The following PTPN22 variants were observed in gnomAD, a reference collection of about 807,000 sequenced individuals.
The protein encoded by PTPN22 is protein tyrosine phosphatase non-receptor type 22.
Under a neutral mutation model 103.3 loss-of-function variants are expected in PTPN22, and 85 were observed. The ratio of observed to expected loss-of-function variants is 0.82; its 90% CI spans 0.69 to 0.99. The LOEUF is 0.99. Ranked by LOEUF, PTPN22 falls within the 50% of genes least tolerant of loss-of-function variation. The pLI, the probability that PTPN22 is intolerant of heterozygous loss-of-function variation, is 0.00. For missense variants in PTPN22, 865 were observed against 936.9 expected, an observed-to-expected ratio of 0.92 and a Z score of 1.00; for synonymous variants, 323 against 310.2, an observed-to-expected ratio of 1.04 and a Z score of -0.43.
intron 1 of PTPN22, chr1:113,864,118 G>GACAAACAA (rs541666001): frequency 2.8e-6 from 1 of 363,054 alleles, no homozygotes; most frequent in Non-Finnish European, 5.4e-6. Flanking sequence ...TCTCAAAACA[G>GACAAACAA]ACAAACAAAC....
At chr1:113,828,423 A>G (rs1176760265) in intron 18 of PTPN22, among the ~76,000 whole-genome samples, 1 of 152,112 alleles carries the variant, frequency 6.6e-6, no homozygotes, top group African/African-American at 2.4e-5. Context: ...TTAGCCACTT[A>G]GAATTTATCC....
rs1014341603 is a variant in PTPN22 at position 113,855,120 on chromosome 1, C to T, written c.541-71G>A. ...AAAACCACCTATTGGGTATTATGCT[C>T]ACTACCTGGGTGATGGGATTATTCA... is the stretch of plus-strand genomic sequence containing the variant. On this transcript the variant is annotated intron_variant, in intron 7 of 20. Coordinates refer to ENST00000359785, the Ensembl canonical transcript of PTPN22. The T allele has an allele frequency of 7.3e-6, 10 of 1,360,888 alleles. No homozygotes were observed. In the African/African-American group the frequency reaches 1.4e-4, roughly 20 times the overall value. The allele number at this position is 1,360,888 out of a possible 1,614,324, so 84.3% of individuals were successfully genotyped here.
chr1:113,838,274 T>A (rs954182303), exon 13 of PTPN22: 1 of 1,614,090 alleles, frequency 6.2e-7, no homozygotes, highest in Non-Finnish European at 8.5e-7. Context: ...TCAAAAGAAG[T>A]GCTTGATTTA....
At chr1:113,847,884 G>A (rs141914068) in intron 11 of PTPN22, among the ~76,000 whole-genome samples, 4,520 of 152,006 alleles carry the variant, frequency 0.03, 220 homozygotes, top group African/African-American at 0.1. Context: ...TTACAGGAGT[G>A]AACCACTGCA....
At chr1:113,847,230 G>C (rs1298181921) in intron 11 of PTPN22, among the ~76,000 whole-genome samples, 2 of 98,002 alleles carry the variant, frequency 2.0e-5, no homozygotes, top group Non-Finnish European at 4.2e-5. Context: ...TTTCTTTGCT[G>C]AGACTCTTTT....
intron 1 of PTPN22, among the ~76,000 whole-genome samples, chr1:113,860,861 C>T (rs1297881871): frequency 2.0e-5 from 3 of 152,148 alleles, no homozygotes; most frequent in South Asian, 2.1e-4. Flanking sequence ...TTTTATTTTG[C>T]TTGTGGAACG....
In PTPN22 at chr1:113,858,469, C is replaced by A; in HGVS notation, c.369+9G>T. 2 of 1,550,640 alleles carry A rather than the reference C, an allele frequency of 1.3e-6. No homozygotes were observed. The highest frequency in any genetic ancestry group is 1.9e-4 in the Middle Eastern group (1 of 5,314). On this transcript the variant is annotated intron_variant, in intron 4 of 20. Coordinates refer to ENST00000359785, the Ensembl canonical transcript of PTPN22. The stretch of plus-strand genomic sequence containing the variant: ...GAGAATAAAGTAACAAAAGCAACAC[C>A]ATACTTACAAGGACACTATATTCCC...
At chr1:113,857,972 T>G in intron 4 of PTPN22, 196 bp from the exon 5 acceptor site, 1 of 457,198 alleles carries the variant, frequency 2.2e-6, no homozygotes, top group Non-Finnish European at 3.9e-6. Context: ...ACTTCCCCTT[T>G]CTCTGTTCAG....
chr1:113,825,273 T>C (rs1661953680), intron 18 of PTPN22, 101 bp from the exon 19 acceptor site: 5 of 775,592 alleles, frequency 6.4e-6, no homozygotes, highest in Non-Finnish European at 1.0e-5. Context: ...TTAATTTCCT[T>C]AAAAATAGCC....
chr1:113,842,497 A>C (rs1663642750), intron 11 of PTPN22, among the ~76,000 whole-genome samples: 1 of 151,708 alleles, frequency 6.6e-6, no homozygotes, highest in Non-Finnish European at 1.5e-5. Context: ...AACATGGTGA[A>C]ACCCCATCTC....
At chr1:113,855,112 A>G (rs1205250673) in intron 7 of PTPN22, 63 bp from the exon 8 acceptor site, 9 of 1,425,958 alleles carry the variant, frequency 6.3e-6, no homozygotes, top group Non-Finnish European at 4.9e-6. Context: ...CCTATTGGGT[A>G]TTATGCTCAC....
intron 1 of PTPN22, among the ~76,000 whole-genome samples, chr1:113,868,194 G>A (rs1666275805): frequency 6.6e-6 from 1 of 152,100 alleles, no homozygotes; most frequent in Non-Finnish European, 1.5e-5. Context: ...AAAGATGTAT[G>A]GCCAAGAAGG....
intron 5 of PTPN22, 108 bp downstream of exon 5, chr1:113,857,630 G>A (rs1665193249): frequency 2.0e-6 from 2 of 978,056 alleles, no homozygotes; most frequent in Non-Finnish European, 3.1e-6. Flanking sequence ...CTATGAAGAT[G>A]ACATAAGTTT....
intron 18 of PTPN22, among the ~76,000 whole-genome samples, chr1:113,828,620 T>G (rs1228340520): frequency 2.0e-5 from 3 of 152,198 alleles, no homozygotes; most frequent in African/African-American, 7.2e-5. Flanking sequence ...TGTTTCTTTT[T>G]ATACACTAAT....
At chr1:113,830,305 C>T (rs184529286) in intron 16 of PTPN22, among the ~76,000 whole-genome samples, 3 of 152,126 alleles carry the variant, frequency 2.0e-5, no homozygotes, top group East Asian at 1.9e-4. Context: ...AGATCTAACA[C>T]CCATTTTGCA....
chr1:113,857,867 C>T (rs1304217849), intron 4 of PTPN22, 91 bp from the exon 5 acceptor site: 18 of 1,190,468 alleles, frequency 1.5e-5, no homozygotes, highest in Admixed American at 2.6e-5. Context: ...AAGTATTAAC[C>T]GTTCTTTTTT....
In PTPN22 at chr1:113,829,929, G is replaced by A. The variant is rs374569776; in HGVS notation, c.2134+20C>T. The stretch of plus-strand genomic sequence containing the variant: ...ATTTTCATTTTTATGATTTTTTTGA[G>A]AGAAAGTGCTACCACTTACAATCTT... On this transcript the variant is annotated intron_variant, in intron 17 of 20. Coordinates refer to ENST00000359785, the Ensembl canonical transcript of PTPN22. 11 of 1,557,202 alleles carry A rather than the reference G, an allele frequency of 7.1e-6. No individual in the cohort carries two copies. Among genetic ancestry groups the A allele is most frequent in the Non-Finnish European group, 9.7e-6 (11 of 1,129,380 alleles).
exon 21 of PTPN22, chr1:113,814,066 A>G (rs767714802): frequency 5.3e-5 from 8 of 152,316 alleles, no homozygotes; most frequent in East Asian, 1.9e-4. Flanking sequence ...TATTTACTAC[A>G]TAAAATTAGA....
exon 15 of PTPN22, chr1:113,834,436 T>A: frequency 6.2e-7 from 1 of 1,612,028 alleles, no homozygotes; most frequent in Middle Eastern, 1.6e-4. Context: ...TGGTGAGAAT[T>A]CTCCTGGAAG....
Sources: gnomAD v4.1 joint callset for allele counts (sites outside exome capture counted in the v4.1 genomes callset) on GRCh38, gnomAD v4.1.1 for gene constraint, MANE v1.5 for transcripts, NCBI Gene and HGNC (gene_info 2026-07-23, HGNC 2026-07-21) for gene names.